Variants in POLR2F observed in about 807,000 individuals in gnomAD.
POLR2F encodes RNA polymerase II, I and III subunit F.
POLR2F carries 12 observed loss-of-function variants against 22.7 expected under a neutral mutation model. That is an observed-to-expected ratio of 0.53 (90% confidence interval 0.34 to 0.86). The LOEUF (loss-of-function observed/expected upper bound fraction) is 0.86. Among genes scored for constraint, POLR2F ranks in the 40% least tolerant of loss-of-function variants. The pLI is 0.02. For synonymous variants in POLR2F, 57 were observed against 66.0 expected, an observed-to-expected ratio of 0.86 and a Z score of 0.66; for missense variants, 126 against 171.5, an observed-to-expected ratio of 0.73 and a Z score of 1.48.
chr22:38,026,832 C>A (rs1181624783), downstream of POLR2F: 1 of 154,964 alleles, frequency 6.5e-6, no homozygotes, highest in African/African-American at 2.4e-5. Flanking sequence ...CGCCCACCGC[C>A]CCCCAGAAGA....
intron 1 of POLR2F, among the ~76,000 whole-genome samples, chr22:37,993,040 C>G (rs1417655794): frequency 1.3e-5 from 2 of 152,104 alleles, no homozygotes; most frequent in Non-Finnish European, 2.9e-5. Context: ...ATGGTGCAGA[C>G]ATGCATGAGG....
chr22:38,023,829 C>T (rs936979505), intron 1 of POLR2F, among the ~76,000 whole-genome samples: 5 of 144,770 alleles, frequency 3.5e-5, no homozygotes, highest in African/African-American at 1.0e-4. Context: ...CGCACCACCA[C>T]GCCTGGCTAA....
At chr22:37,981,802 C>A (rs1932405830), upstream of POLR2F, among the ~76,000 whole-genome samples, 1 of 152,192 alleles carries the variant, frequency 6.6e-6, no homozygotes. Context: ...TGCTCTTGGG[C>A]AGAACTGGGC....
upstream of POLR2F, chr22:37,986,054 CT>C (rs1932564557): frequency 2.1e-6 from 3 of 1,417,116 alleles, no homozygotes; most frequent in East Asian, 7.9e-5. The surrounding 1 kb of genome is among the most constrained non-coding windows in gnomAD (Gnocchi z 4.7). Flanking sequence ...TGCCCAGACT[CT>C]TGTTCGGGGC....
At chr22:37,983,928 A>G, upstream of POLR2F, 1 of 582,160 alleles carries the variant, frequency 1.7e-6, no homozygotes, top group Non-Finnish European at 2.5e-6. This position sits in a 1 kb window ranked among gnomAD's most constrained non-coding sequence, Gnocchi z 9.5. Flanking sequence ...GCGGCCCGAG[A>G]CAGGACGTGG....
In POLR2F at chr22:37,967,131, G is replaced by A; in HGVS notation, c.254G>A (p.Gly85Glu). ...GCCCCTGTGATGGTGGAGCTGGAGG[G>A]GGAGACAGATCCTCTGCTCATTGCC... ...MCAPVMVELE[G>E]ETDPLLIAMK... Residue 85 changes from glycine to glutamate, a missense_variant, in exon 4 of 5, where the codon GGG becomes GAG. Coordinates refer to ENST00000442738, the MANE Select transcript of POLR2F (RefSeq NM_021974.5). The A allele has an allele frequency of 6.2e-7, 1 of 1,613,528 alleles. No homozygotes were observed. Among genetic ancestry groups the A allele is most frequent in the East Asian group, 2.2e-5 (1 of 44,864 alleles).
chr22:38,040,051 A>C (rs2085156079), intron 5 of POLR2F, among the ~76,000 whole-genome samples: 1 of 152,044 alleles, frequency 6.6e-6, no homozygotes, highest in Non-Finnish European at 1.5e-5. Flanking sequence ...AGGTGGGAGG[A>C]TCACTTGAGG....
intron 1 of POLR2F, among the ~76,000 whole-genome samples, chr22:38,020,277 T>A (rs1023406518): frequency 6.6e-5 from 10 of 150,980 alleles, no homozygotes; most frequent in East Asian, 1.9e-4. Context: ...TTAAAAAAAA[T>A]TTTTTTAGAT....
Position 37,980,026 on chromosome 22 carries a change from G to C in POLR2F, c.293+12856G>C, listed in dbSNP as rs1038956890. On this transcript the variant is annotated intron_variant, in intron 4 of 4. Transcript: ENST00000405557. This position sits in a 1 kb window ranked among gnomAD's most constrained non-coding sequence, Gnocchi z 4.1. ...CTAGCCGGCAGCAGCATTCCTCTGCGGCTTAGCCTCCCTGTCTACTCCCCC... is the reference window on the plus strand; with the variant it reads ...CTAGCCGGCAGCAGCATTCCTCTGCCGCTTAGCCTCCCTGTCTACTCCCCC... 6.6e-6 allele frequency among the ~76,000 whole-genome samples: 1 copy of C among 152,108 alleles called. No individual in the cohort carries two copies. Among genetic ancestry groups the C allele is most frequent in the Non-Finnish European group, 1.5e-5 (1 of 68,010 alleles).
At chr22:37,964,422 A>G (rs944530605) in intron 3 of POLR2F, among the ~76,000 whole-genome samples, 1 of 152,086 alleles carries the variant, frequency 6.6e-6, no homozygotes, top group African/African-American at 2.4e-5. Context: ...AAGGCTGGAG[A>G]AGATGACACT....
At chr22:38,027,647 C>T (rs1259898547), downstream of POLR2F, among the ~76,000 whole-genome samples, 2 of 152,188 alleles carry the variant, frequency 1.3e-5, no homozygotes, top group African/African-American at 2.4e-5. Flanking sequence ...GCTCCTGCAG[C>T]ACACCCAGAA....
intron 1 of POLR2F, among the ~76,000 whole-genome samples, chr22:38,008,879 AAAG>A (rs963771874): frequency 6.6e-6 from 1 of 152,026 alleles, no homozygotes; most frequent in Non-Finnish European, 1.5e-5. Flanking sequence ...AAAAGAAAGA[AAAG>A]AAAAAAAGCA....
At chr22:38,028,317 G>T (rs1212636398), downstream of POLR2F, among the ~76,000 whole-genome samples, 1 of 152,052 alleles carries the variant, frequency 6.6e-6, no homozygotes, top group Non-Finnish European at 1.5e-5. Flanking sequence ...AGGGTGGGGG[G>T]TTTCAAGACT....
chr22:37,990,463 AG>A (rs1411317180), intron 1 of POLR2F, among the ~76,000 whole-genome samples: 1 of 152,240 alleles, frequency 6.6e-6, no homozygotes, highest in Non-Finnish European at 1.5e-5. Context: ...ATCTGTCCCC[AG>A]CTGCTGGAAT....
intron 3 of POLR2F, among the ~76,000 whole-genome samples, chr22:37,964,142 C>T (rs1931760694): frequency 6.6e-6 from 1 of 151,852 alleles, no homozygotes; most frequent in Non-Finnish European, 1.5e-5. Flanking sequence ...ATCCCCAGTC[C>T]TCCAGGTGTT....
At chr22:37,996,870 G>A (rs1402921173) in intron 1 of POLR2F, among the ~76,000 whole-genome samples, 1 of 152,196 alleles carries the variant, frequency 6.6e-6, no homozygotes, top group African/African-American at 2.4e-5. Context: ...ACATCTGTAT[G>A]TTTAAATCTC....
exon 3 of POLR2F, chr22:38,026,286 G>A (rs375222298): frequency 1.9e-6 from 1 of 533,186 alleles, no homozygotes; most frequent in African/African-American, 1.9e-5. Flanking sequence ...TAGCTGGCTT[G>A]CTTGACCCAA....
At chr22:37,998,333 G>A (rs534623261) in intron 1 of POLR2F, among the ~76,000 whole-genome samples, 4 of 152,340 alleles carry the variant, frequency 2.6e-5, no homozygotes, top group Admixed American at 6.5e-5. Context: ...GGCCAGGGCC[G>A]GGCCGAGGGT....
chr22:37,956,878 C>G (rs770833455), intron 2 of POLR2F, 36 bp downstream of exon 2: 2 of 1,509,048 alleles, frequency 1.3e-6, no homozygotes, highest in Admixed American at 3.3e-5. Context: ...CCTCTGCAGC[C>G]CAAGCTGCCA....
Sources: allele counts gnomAD v4.1 joint callset (sites outside exome capture counted in the v4.1 genomes callset), GRCh38; gene constraint gnomAD v4.1.1; non-coding constraint Gnocchi (gnomAD v3.1); transcripts MANE v1.5; gene names NCBI Gene and HGNC (gene_info 2026-07-23, HGNC 2026-07-21).